The following DGKB variants were observed in gnomAD, a reference collection of about 807,000 sequenced individuals.
The protein encoded by DGKB is diacylglycerol kinase beta, also known as 90 kDa diacylglycerol kinase.
In DGKB, 67 loss-of-function variants were observed where a neutral mutation model predicts 114.3. The ratio of observed to expected loss-of-function variants is 0.59; its 90% confidence interval spans 0.48 to 0.72. The LOEUF (loss-of-function observed/expected upper bound fraction) is 0.72. Among genes scored for constraint, DGKB ranks in the 30% least tolerant of loss-of-function variants. DGKB has a pLI of 0.00. For synonymous variants in DGKB, 398 were observed against 323.1 expected (o/e 1.23, Z -2.49); for missense variants, 907 against 975.2 (o/e 0.93, Z 0.93).
chr7:14,370,785 T>C (rs1357761230), intron 21 of DGKB, among the ~76,000 whole-genome samples: 5 of 152,172 alleles, frequency 3.3e-5, no homozygotes, highest in African/African-American at 9.7e-5. Context: ...GTGAGCATAG[T>C]ACTCAATAGT....
intron 6 of DGKB, among the ~76,000 whole-genome samples, chr7:14,711,922 C>T (rs1585888627): frequency 6.6e-6 from 1 of 152,120 alleles, no homozygotes; most frequent in South Asian, 2.1e-4. Context: ...TTTTCCTTAT[C>T]CCCAGTAAGT....
intron 4 of DGKB, among the ~76,000 whole-genome samples, chr7:14,742,295 G>A (rs1275220573): frequency 6.6e-6 from 1 of 151,994 alleles, no homozygotes; most frequent in Non-Finnish European, 1.5e-5. Flanking sequence ...TACAACTACT[G>A]GATCTTCTTC....
intron 21 of DGKB, among the ~76,000 whole-genome samples, chr7:14,357,455 C>A (rs1814792849): frequency 6.6e-6 from 1 of 152,134 alleles, no homozygotes; most frequent in Non-Finnish European, 1.5e-5. Flanking sequence ...CTTGGTAGAT[C>A]TTCCTCCATC....
chr7:14,897,452 A>C (rs1010009860), intron 1 of DGKB, among the ~76,000 whole-genome samples: 2 of 151,786 alleles, frequency 1.3e-5, no homozygotes, highest in Admixed American at 1.3e-4. Flanking sequence ...TGTTTTTTCT[A>C]AAGGGAAATA....
intron 1 of DGKB, among the ~76,000 whole-genome samples, chr7:14,861,044 G>T (rs150274305): frequency 4.6e-5 from 7 of 151,910 alleles, no homozygotes; most frequent in Non-Finnish European, 8.8e-5. Context: ...AATATAGGGA[G>T]AATTCAGACT....
chr7:14,919,191 G>A (rs914810920), intron 1 of DGKB, among the ~76,000 whole-genome samples: 1 of 150,306 alleles, frequency 6.7e-6, no homozygotes, highest in East Asian at 2.0e-4. Flanking sequence ...AAACAAAGTC[G>A]GAGGACTGAC....
chr7:14,789,072 G>C (rs139267254), intron 2 of DGKB, among the ~76,000 whole-genome samples: 1 of 151,644 alleles, frequency 6.6e-6, no homozygotes, highest in East Asian at 1.9e-4. Context: ...CTTACCACTG[G>C]AGGAATTTTT....
rs369371503 is a variant in DGKB, at chr7:14,247,273, G to A, written c.2123-69122C>T. Reference sequence around the variant, plus strand: ...ATCCATGAACACAAATACTAAGGTTGGTTTCATATTTTGGCTATTCTGAAT... The same window carrying A: ...ATCCATGAACACAAATACTAAGGTTAGTTTCATATTTTGGCTATTCTGAAT... On this transcript the variant is annotated intron_variant, in intron 23 of 25. Transcript: ENST00000402815. 3.9e-5 allele frequency among the ~76,000 whole-genome samples: 6 copies of A among 152,184 alleles called. No homozygotes were observed. In the South Asian group the frequency reaches 6.2e-4, roughly 16 times the overall value.
chr7:14,891,204 A>G (rs556574806), intron 1 of DGKB, among the ~76,000 whole-genome samples: 19 of 151,544 alleles, frequency 1.3e-4, no homozygotes, highest in African/African-American at 4.1e-4. Flanking sequence ...ACCAAACTCT[A>G]TATATACTAC....
Position 14,685,339 on chromosome 7 carries a change from G to C in DGKB, c.735C>G (p.His245Gln). 6.2e-7 allele frequency: 1 copy of C among 1,613,566 alleles called. No individual in the cohort carries two copies. Among genetic ancestry groups the C allele is most frequent in the Non-Finnish European group, 8.5e-7 (1 of 1,179,562 alleles). Residue 245 changes from histidine to glutamine, a missense_variant, in exon 10 of 26, where the codon CAC becomes CAG. This residue lies in a region of DGKB where 814 missense variants were observed against 856.6 expected (regional missense o/e 0.95). Coordinates refer to ENST00000402815, the MANE Select transcript of DGKB (RefSeq NM_001350709.2). ...LENNVKDDGQ[H>Q]VWRLKHFNKP... ...TGTTAAAGTGCTTCAGTCGCCACACGTGCTGTCCATCATCCTTCACGTTCT... is the reference window on the plus strand; with the variant it reads ...TGTTAAAGTGCTTCAGTCGCCACACCTGCTGTCCATCATCCTTCACGTTCT...
At chr7:14,221,085 C>G (rs973401733) in intron 23 of DGKB, among the ~76,000 whole-genome samples, 19 of 151,292 alleles carry the variant, frequency 1.3e-4, no homozygotes, top group African/African-American at 4.6e-4. Flanking sequence ...TTAAGATCTC[C>G]TATATATAAG....
chr7:14,799,696 A>T (rs988766159), intron 2 of DGKB, among the ~76,000 whole-genome samples: 1 of 152,180 alleles, frequency 6.6e-6, no homozygotes, highest in African/African-American at 2.4e-5. Flanking sequence ...ACCTCAGCTC[A>T]TTTAATGAAT....
intron 1 of DGKB, among the ~76,000 whole-genome samples, chr7:14,873,507 AG>A (rs1852794463): frequency 6.6e-6 from 1 of 152,104 alleles, no homozygotes; most frequent in African/African-American, 2.4e-5. Flanking sequence ...AACAAACTAT[AG>A]AAATTCAGGA....
At chr7:14,443,315 A>G (rs1426999586) in intron 21 of DGKB, among the ~76,000 whole-genome samples, 1 of 152,112 alleles carries the variant, frequency 6.6e-6, no homozygotes, top group Non-Finnish European at 1.5e-5. Context: ...ATCAGACACC[A>G]TTAATTTATT....
intron 13 of DGKB, among the ~76,000 whole-genome samples, chr7:14,645,738 G>A (rs751308223): frequency 1.1e-4 from 16 of 151,096 alleles, no homozygotes; most frequent in Non-Finnish European, 1.9e-4. Flanking sequence ...ACAATACCCA[G>A]CAAAGCTATC....
chr7:14,219,640 T>TTTGTTATTGTTA (rs1198256322), intron 23 of DGKB, among the ~76,000 whole-genome samples: 1 of 151,822 alleles, frequency 6.6e-6, no homozygotes, highest in Non-Finnish European at 1.5e-5. Flanking sequence ...CTATTTATTT[T>TTTGTTATTGTTA]TTGTTATTGA....
At chr7:14,226,752 A>C (rs1006345552) in intron 23 of DGKB, among the ~76,000 whole-genome samples, 2 of 152,112 alleles carry the variant, frequency 1.3e-5, no homozygotes, top group African/African-American at 4.8e-5. Flanking sequence ...TTAACTTATA[A>C]TACATGAAAT....
intron 13 of DGKB, among the ~76,000 whole-genome samples, chr7:14,659,147 A>G (rs190534884): frequency 1.3e-5 from 2 of 151,948 alleles, no homozygotes; most frequent in African/African-American, 4.8e-5. Context: ...TATTAACTCT[A>G]TTCTTAAAGG....
intron 7 of DGKB, among the ~76,000 whole-genome samples, chr7:14,699,590 G>C (rs1824739386): frequency 6.6e-6 from 1 of 152,222 alleles, no homozygotes; most frequent in Non-Finnish European, 1.5e-5. Flanking sequence ...ATTAGAAATA[G>C]TGGACAATTT....
Sources: allele counts gnomAD v4.1 joint callset (sites outside exome capture counted in the v4.1 genomes callset), GRCh38; gene constraint gnomAD v4.1.1; regional missense constraint gnomAD v4.1.1; transcripts MANE v1.5; gene names NCBI Gene and HGNC (gene_info 2026-07-23, HGNC 2026-07-21).